The following DENND5A variants were observed in gnomAD, a reference collection of about 807,000 sequenced individuals.
DENND5A encodes DENN domain containing 5A.
In DENND5A, 64 loss-of-function variants were observed where a neutral mutation model predicts 140.3. The observed-to-expected ratio is 0.46, with a 90% CI of 0.37 to 0.56. The LOEUF is 0.56. Among genes scored for constraint, DENND5A ranks in the 20% least tolerant of loss-of-function variants. The pLI, the probability that DENND5A is intolerant of heterozygous loss-of-function variation, is 0.00. For synonymous variants in DENND5A, 605 were observed against 607.7 expected, an observed-to-expected ratio of 1.00 and a Z score of 0.07; for missense variants, 1,292 against 1,593.8, an observed-to-expected ratio of 0.81 and a Z score of 3.22.
At chr11:9,225,943 T>G (rs1313723033) in intron 1 of DENND5A, among the ~76,000 whole-genome samples, 1 of 152,116 alleles carries the variant, frequency 6.6e-6, no homozygotes, top group East Asian at 1.9e-4. Flanking sequence ...TAGCTGAGTA[T>G]GTTGGCATGT....
chr11:9,246,471 G>A (rs1851475498), intron 1 of DENND5A, among the ~76,000 whole-genome samples: 1 of 152,018 alleles, frequency 6.6e-6, no homozygotes, highest in Non-Finnish European at 1.5e-5. Flanking sequence ...AATCAGCCAG[G>A]TGTGGTGGCA....
At chr11:9,154,234 G>A (rs560546672) in intron 12 of DENND5A, among the ~76,000 whole-genome samples, 1 of 152,268 alleles carries the variant, frequency 6.6e-6, no homozygotes, top group Admixed American at 6.5e-5. Flanking sequence ...CCTATTTTCT[G>A]TAGAGAAGAA....
chr11:9,141,672 A>G (rs1847245332), intron 22 of DENND5A, among the ~76,000 whole-genome samples: 1 of 152,230 alleles, frequency 6.6e-6, no homozygotes. Flanking sequence ...CAACCTATAA[A>G]AGGTACAGTA....
At chr11:9,202,916 T>A (rs1849570322) in intron 4 of DENND5A, among the ~76,000 whole-genome samples, 1 of 152,230 alleles carries the variant, frequency 6.6e-6, no homozygotes, top group Non-Finnish European at 1.5e-5. Flanking sequence ...CCTGTTTTAT[T>A]TTTCTTTATA....
chr11:9,265,061 G>GCCA lies in DENND5A; in HGVS notation c.6_8dup (p.Gly9dup), dbSNP rs1361901512. ...GCGCCGAGCCCCCTCCGCCGCCGCC[G>GCCA]CCACTCATGGCGCCGGGGCCGAGAC... On this transcript the variant is annotated inframe_insertion, in exon 1 of 23. Coordinates refer to ENST00000328194, the MANE Select transcript of DENND5A (RefSeq NM_015213.4). This position sits in a 1 kb window ranked among gnomAD's most constrained non-coding sequence, Gnocchi z 4.7. The GCCA allele has an allele frequency of 6.5e-7, 1 of 1,538,812 alleles. No homozygotes were observed. Among genetic ancestry groups the GCCA allele is most frequent in the Non-Finnish European group, 8.7e-7 (1 of 1,144,888 alleles).
intron 11 of DENND5A, among the ~76,000 whole-genome samples, chr11:9,165,625 G>A (rs927142585): frequency 6.6e-6 from 1 of 152,004 alleles, no homozygotes; most frequent in African/African-American, 2.4e-5. Flanking sequence ...GTAAAGACAG[G>A]ATCTCACTAC....
chr11:9,194,675 C>A (rs1023011168), intron 4 of DENND5A, among the ~76,000 whole-genome samples: 1 of 151,456 alleles, frequency 6.6e-6, no homozygotes, highest in Non-Finnish European at 1.5e-5. Flanking sequence ...AGGGAAGGCT[C>A]GTGGGCTTGT....
chr11:9,242,053 C>T (rs1245484554), intron 1 of DENND5A, among the ~76,000 whole-genome samples: 1 of 151,700 alleles, frequency 6.6e-6, no homozygotes, highest in East Asian at 1.9e-4. Flanking sequence ...CATCTGTCTC[C>T]ACCCTGCCCT....
intron 1 of DENND5A, among the ~76,000 whole-genome samples, chr11:9,228,668 G>A (rs969436638): frequency 2.6e-5 from 4 of 151,070 alleles, no homozygotes; most frequent in Non-Finnish European, 4.4e-5. Flanking sequence ...GCAGTGAGCC[G>A]AGATCGCACC....
chr11:9,167,394 C>A (rs562127524), intron 10 of DENND5A, among the ~76,000 whole-genome samples: 1 of 150,396 alleles, frequency 6.6e-6, no homozygotes, highest in South Asian at 2.1e-4. Flanking sequence ...GCCTCCTTTA[C>A]ACATTTACAC....
intron 1 of DENND5A, among the ~76,000 whole-genome samples, chr11:9,237,559 T>C (rs1012674602): frequency 6.6e-6 from 1 of 152,248 alleles, no homozygotes; most frequent in South Asian, 2.1e-4. Flanking sequence ...TTAAGGAAAG[T>C]AATTTAGCAA....
intron 1 of DENND5A, among the ~76,000 whole-genome samples, chr11:9,254,029 G>A (rs1023889371): frequency 1.3e-5 from 2 of 151,972 alleles, no homozygotes; most frequent in African/African-American, 4.8e-5. Flanking sequence ...GGTGGCGCAT[G>A]CCTATAATCC....
chr11:9,194,024 C>CA (rs1348254875), intron 4 of DENND5A, among the ~76,000 whole-genome samples: 35 of 152,082 alleles, frequency 2.3e-4, no homozygotes, highest in Non-Finnish European at 4.7e-4. Context: ...GAGAACTGAA[C>CA]AAAAAGAAAG....
At position 9,164,056 on chromosome 11, in the gene DENND5A, GTTTTTTTTTTTTT is replaced by G. The variant is rs768604681; in HGVS notation, c.2283+1767_2283+1779del. Among the ~76,000 whole-genome samples the G allele has an allele frequency of 1.8e-3, 106 of 57,974 alleles. 1 individual carries two copies. Among genetic ancestry groups the G allele is most frequent in the Non-Finnish European group, 2.7e-3 (86 of 31,396 alleles). 38.0% of individuals were successfully genotyped at this position (57,974 alleles called of 152,430 possible). A position where few individuals can be genotyped will look rare whatever the true frequency, so the allele number is the denominator to read the frequency against. ...ATATCAGTACTGATATATTAATCAG[GTTTTTTTTTTTTT>G]TTTTTTTTTTTTTTTTTTTTGAGAG... On this transcript the variant is annotated intron_variant, in intron 11 of 22. Transcript: ENST00000328194.
At chr11:9,196,002 G>A (rs1849313725) in intron 4 of DENND5A, among the ~76,000 whole-genome samples, 1 of 152,148 alleles carries the variant, frequency 6.6e-6, no homozygotes, top group South Asian at 2.1e-4. Flanking sequence ...ACCCAGGTTG[G>A]AGTGCAGTGG....
chr11:9,145,940 G>T, intron 16 of DENND5A, 125 bp from the exon 17 acceptor site: 2 of 1,046,180 alleles, frequency 1.9e-6, no homozygotes, highest in Non-Finnish European at 2.8e-6. Context: ...CTCAAGCAGA[G>T]CCCTGGAACA....
chr11:9,243,229 G>C (rs1270389476), intron 1 of DENND5A, among the ~76,000 whole-genome samples: 4 of 151,804 alleles, frequency 2.6e-5, no homozygotes, highest in Non-Finnish European at 5.9e-5. Context: ...AGTTAACAGA[G>C]CTAGATGGGC....
intron 1 of DENND5A, among the ~76,000 whole-genome samples, chr11:9,241,743 G>A (rs991546957): frequency 1.3e-5 from 2 of 152,042 alleles, no homozygotes; most frequent in African/African-American, 2.4e-5. Flanking sequence ...AGCTGGGCGC[G>A]GTGGCTCACG....
At chr11:9,208,200 A>C (rs1253558076) in intron 1 of DENND5A, among the ~76,000 whole-genome samples, 1 of 152,258 alleles carries the variant, frequency 6.6e-6, no homozygotes, top group Non-Finnish European at 1.5e-5. Context: ...CAATGATCTC[A>C]GTGTCAAATA....
Sources: allele counts gnomAD v4.1 joint callset (sites outside exome capture counted in the v4.1 genomes callset), GRCh38; gene constraint gnomAD v4.1.1; non-coding constraint Gnocchi (gnomAD v3.1); transcripts MANE v1.5; gene names NCBI Gene and HGNC (gene_info 2026-07-23, HGNC 2026-07-21).